Variants in MMP26 observed in about 807,000 individuals in gnomAD.
MMP26 encodes matrix metallopeptidase 26.
MMP26 carries 33 observed loss-of-function variants against 31.0 expected under a neutral mutation model. The ratio of observed to expected loss-of-function variants is 1.06; its 90% CI spans 0.81 to 1.42. The LOEUF (loss-of-function observed/expected upper bound fraction) is 1.42. MMP26 is among the 40% of genes most tolerant of loss of function. MMP26 has a pLI of 0.00. For synonymous variants in MMP26, 122 were observed against 114.9 expected (o/e 1.06, Z -0.40); for missense variants, 347 against 316.1 (o/e 1.10, Z -0.74).
chr11:4,887,466 T>A (rs1850559948), intron 2 of MMP26, among the ~76,000 whole-genome samples: 1 of 152,160 alleles, frequency 6.6e-6, no homozygotes, highest in Admixed American at 6.6e-5. Flanking sequence ...AATTTCTGAG[T>A]TGAGGAGAAA....
chr11:4,828,755 G>A (rs1045216985), intron 2 of MMP26, among the ~76,000 whole-genome samples: 4 of 152,122 alleles, frequency 2.6e-5, no homozygotes, highest in African/African-American at 9.7e-5. Context: ...ATATTTTCAT[G>A]ACAGCTGCAA....
chr11:4,760,615 A>T (rs1483814904), intron 1 of MMP26, among the ~76,000 whole-genome samples: 1 of 152,188 alleles, frequency 6.6e-6, no homozygotes, highest in Non-Finnish European at 1.5e-5. Flanking sequence ...GCTGTGACTA[A>T]TATTCCCATT....
chr11:4,822,861 T>A (rs1220498198), intron 2 of MMP26, among the ~76,000 whole-genome samples: 27 of 152,156 alleles, frequency 1.8e-4, no homozygotes, highest in Non-Finnish European at 1.5e-5. Flanking sequence ...TAGATGGAAT[T>A]ATTTTGCCCT....
intron 2 of MMP26, among the ~76,000 whole-genome samples, chr11:4,971,029 G>A (rs1429627997): frequency 2.6e-5 from 4 of 152,094 alleles, no homozygotes; most frequent in Non-Finnish European, 5.9e-5. Flanking sequence ...AGGAAAAGAA[G>A]AATCAAATGG....
At chr11:4,735,292 A>G (rs1340740716) in intron 1 of MMP26, among the ~76,000 whole-genome samples, 2 of 152,150 alleles carry the variant, frequency 1.3e-5, no homozygotes, top group African/African-American at 2.4e-5. Flanking sequence ...GAGAATTTAA[A>G]TGGTTATGTC....
At chr11:4,866,132 T>G (rs902762635) in intron 2 of MMP26, among the ~76,000 whole-genome samples, 7 of 152,054 alleles carry the variant, frequency 4.6e-5, no homozygotes, top group African/African-American at 1.4e-4. Flanking sequence ...GGGCGATTCC[T>G]AGGAAGCCAG....
chr11:4,975,343 C>G (rs16907838), intron 2 of MMP26, among the ~76,000 whole-genome samples: 4,921 of 152,008 alleles, frequency 0.032, 322 homozygotes, highest in African/African-American at 0.11. Context: ...CCAGGTGTGT[C>G]AAGTGGTCCA....
chr11:4,725,085 C>A (rs983678415), intron 1 of MMP26, among the ~76,000 whole-genome samples: 17 of 151,780 alleles, frequency 1.1e-4, no homozygotes, highest in Non-Finnish European at 2.2e-4. Context: ...TGGCACCTCC[C>A]CCTTGCTCCT....
chr11:4,771,949 T>G (rs553602543), intron 2 of MMP26, among the ~76,000 whole-genome samples: 1 of 152,320 alleles, frequency 6.6e-6, no homozygotes, highest in African/African-American at 2.4e-5. Context: ...ACACGATAAA[T>G]ATATCTATCT....
intron 2 of MMP26, among the ~76,000 whole-genome samples, chr11:4,936,720 A>T (rs1211645521): frequency 6.6e-6 from 1 of 152,166 alleles, no homozygotes; most frequent in African/African-American, 2.4e-5. Context: ...TACCCATGAG[A>T]AGATAAATGT....
At chr11:4,896,339 T>A (rs929727758) in intron 2 of MMP26, among the ~76,000 whole-genome samples, 2 of 152,164 alleles carry the variant, frequency 1.3e-5, no homozygotes, top group African/African-American at 4.8e-5. Flanking sequence ...GATTCCTTGA[T>A]CTATCTTCTG....
intron 2 of MMP26, among the ~76,000 whole-genome samples, chr11:4,931,705 C>A (rs1215038725): frequency 6.6e-6 from 1 of 151,906 alleles, no homozygotes; most frequent in Non-Finnish European, 1.5e-5. Context: ...ACTGAAGGTG[C>A]AGCAAGGTCT....
chr11:4,835,028 T>G (rs1029556513), intron 2 of MMP26, among the ~76,000 whole-genome samples: 16 of 152,306 alleles, frequency 1.1e-4, no homozygotes, highest in African/African-American at 3.8e-4. Flanking sequence ...AGGCAACCCC[T>G]GAGAAGTCTT....
intron 1 of MMP26, chr11:4,709,481 G>C: frequency 2.8e-6 from 1 of 361,678 alleles, no homozygotes; most frequent in Non-Finnish European, 5.4e-6. Flanking sequence ...AAATTGTATG[G>C]TGTATAGAAG....
At chr11:4,745,168 G>A (rs1379591461) in intron 1 of MMP26, among the ~76,000 whole-genome samples, 2 of 152,240 alleles carry the variant, frequency 1.3e-5, no homozygotes, top group South Asian at 2.1e-4. Flanking sequence ...AACCACTGAA[G>A]CCACTTGATA....
intron 1 of MMP26, among the ~76,000 whole-genome samples, chr11:4,747,069 C>T (rs995767295): frequency 1.2e-4 from 18 of 152,072 alleles, no homozygotes; most frequent in African/African-American, 2.2e-4. Context: ...AGAGTAATTG[C>T]GGTAGGGTTC....
intron 2 of MMP26, among the ~76,000 whole-genome samples, chr11:4,834,997 G>A (rs1477122922): frequency 6.6e-6 from 1 of 151,792 alleles, no homozygotes; most frequent in Non-Finnish European, 1.5e-5. Context: ...ATTCCCCCAT[G>A]GAAACATTCA....
In MMP26 at chr11:4,990,742, GT is replaced by G; in HGVS notation, c.466del (p.Trp156GlyfsTer16). On this transcript the variant is annotated frameshift_variant, in exon 5 of 8. Coordinates refer to ENST00000380390, the MANE Select transcript of MMP26 (RefSeq NM_021801.5). LOFTEE classifies it high-confidence loss of function. ...CAGACATCAAGGTTTCTTTCTGGCA[GT>G]GGGGTAAGAAATTGACATGGGAAGA... Reference protein sequence around the residue: ...DADIKVSFWQWAHEDGWPFDG... With the variant: ...DADIKVSFWQXAHEDGWPFDG... 6.2e-7 allele frequency: 1 copy of G among 1,614,052 alleles called. No individual in the cohort carries two copies. The highest frequency in any genetic ancestry group is 8.5e-7 in the Non-Finnish European group (1 of 1,179,938).
At chr11:4,969,615 G>A (rs779403197) in intron 2 of MMP26, among the ~76,000 whole-genome samples, 28 of 151,954 alleles carry the variant, frequency 1.8e-4, no homozygotes, top group Non-Finnish European at 3.2e-4. Flanking sequence ...TTTTACTGCT[G>A]TGCTTGACAT....
Sources: allele counts gnomAD v4.1 joint callset (sites outside exome capture counted in the v4.1 genomes callset), GRCh38; gene constraint gnomAD v4.1.1; transcripts MANE v1.5; gene names NCBI Gene and HGNC (gene_info 2026-07-23, HGNC 2026-07-21).